PRMT8: variants seen among roughly 807,000 people sequenced by gnomAD.
PRMT8 encodes protein arginine methyltransferase 8, also known as protein arginine N-methyltransferase 8.
PRMT8 carries 7 observed loss-of-function variants against 47.1 expected under a neutral mutation model. The ratio of observed to expected loss-of-function variants is 0.15; its 90% CI spans 0.08 to 0.28. The LOEUF (loss-of-function observed/expected upper bound fraction) is 0.28, where lower values mean the gene tolerates loss of function less well. PRMT8 is among the 10% of genes least tolerant of loss of function. The pLI is 1.00. For synonymous variants in PRMT8, 188 were observed against 186.5 expected (o/e 1.01, Z -0.07); for missense variants, 237 against 505.4 (o/e 0.47, Z 5.09).
chr12:3,424,957 C>T (rs1028229823), intron 1 of PRMT8, among the ~76,000 whole-genome samples: 1 of 152,192 alleles, frequency 6.6e-6, no homozygotes, highest in Non-Finnish European at 1.5e-5. Flanking sequence ...GAGCAGGGCT[C>T]ATCATCTTCC....
chr12:3,489,223 G>T (rs1865349502), upstream of PRMT8, among the ~76,000 whole-genome samples: 2 of 152,102 alleles, frequency 1.3e-5, no homozygotes, highest in South Asian at 4.2e-4. Flanking sequence ...ACAGCGAAAG[G>T]AGGAAACACA....
chr12:3,527,229 C>G (rs1865960886), intron 1 of PRMT8, among the ~76,000 whole-genome samples: 1 of 152,046 alleles, frequency 6.6e-6, no homozygotes. Context: ...GAGATATAAT[C>G]CAAGACCTCT....
In PRMT8 at chr12:3,540,344, C is replaced by T. The variant is rs564826760; in HGVS notation, c.76-262C>T. Among the ~76,000 whole-genome samples the T allele has an allele frequency of 2.0e-5, 3 of 152,262 alleles. No homozygotes were observed. The East Asian group carries it at 5.8e-4, about 29-fold the overall frequency. ...TACAGAAACTGAGGCCTGCATTGCT[C>T]AGGTCACCTAGCTAATAAGAGCTGA... On this transcript the variant is annotated intron_variant, in intron 1 of 9. Transcript: ENST00000382622.
chr12:3,475,852 T>C (rs762396646), intron 1 of PRMT8, among the ~76,000 whole-genome samples: 1 of 152,238 alleles, frequency 6.6e-6, no homozygotes, highest in Non-Finnish European at 1.5e-5. Context: ...GCTCATTCTC[T>C]TCTACATCCT....
At chr12:3,476,046 A>G (rs1474235994) in intron 1 of PRMT8, among the ~76,000 whole-genome samples, 1 of 152,188 alleles carries the variant, frequency 6.6e-6, no homozygotes, top group Non-Finnish European at 1.5e-5. Context: ...TTATAGAGGG[A>G]CAATCTCATT....
chr12:3,520,752 G>A (rs973879312), intron 1 of PRMT8, among the ~76,000 whole-genome samples: 1 of 152,154 alleles, frequency 6.6e-6, no homozygotes, highest in Non-Finnish European at 1.5e-5. Context: ...TATGCTCTTA[G>A]CCAGGCCCTG....
In PRMT8 at chr12:3,550,876, G is replaced by A. The variant is rs780686150; in HGVS notation, c.417+785G>A. The A allele has an allele frequency of 6.6e-6, 1 of 152,250 alleles. No individual in the cohort carries two copies. Among genetic ancestry groups the A allele is most frequent in the Non-Finnish European group, 1.5e-5 (1 of 68,054 alleles). The allele number at this position is 152,250 out of a possible 1,614,324, so 9.4% of individuals were successfully genotyped here. ...CTAAAAAGAAGAGCTGCGAGATGCT[G>A]GCTGATATTTGAAAAATGCAGTGGG... On this transcript the variant is annotated intron_variant, in intron 3 of 9. Transcript: ENST00000382622. This position sits in a 1 kb window ranked among gnomAD's most constrained non-coding sequence, Gnocchi z 5.1.
At chr12:3,540,510 C>A in intron 1 of PRMT8, 96 bp from the exon 2 acceptor site, 1 of 825,436 alleles carries the variant, frequency 1.2e-6, no homozygotes, top group Non-Finnish European at 2.0e-6. Context: ...TGCTTGAGGC[C>A]GGGCTCAGGG....
chr12:3,535,125 C>T lies in PRMT8; in HGVS notation c.76-5481C>T, dbSNP rs1365811061. On this transcript the variant is annotated intron_variant, in intron 1 of 9. Transcript: ENST00000382622. The surrounding 1 kb of genome is among the most constrained non-coding windows in gnomAD (Gnocchi z 4.7). ...CAAACATGCTCCCCCAAATCCCCACCCCTGCTTGTGGAAATCCGACCCACC... is the reference window on the plus strand; with the variant it reads ...CAAACATGCTCCCCCAAATCCCCACTCCTGCTTGTGGAAATCCGACCCACC... 6.6e-6 allele frequency among the ~76,000 whole-genome samples: 1 copy of T among 152,182 alleles called. No individual in the cohort carries two copies. Among genetic ancestry groups the T allele is most frequent in the Non-Finnish European group, 1.5e-5 (1 of 68,032 alleles).
At position 3,397,643 on chromosome 12, in the gene PRMT8, A is replaced by T. The variant is rs1424027374; in HGVS notation, c.48+16201A>T. Reference sequence around the variant, plus strand: ...GTCAGACAGGGACATTTAAGTCTGCAGAGGTTACTGCTGTCTTTTTGTTTG... The same window carrying T: ...GTCAGACAGGGACATTTAAGTCTGCTGAGGTTACTGCTGTCTTTTTGTTTG... On this transcript the variant is annotated intron_variant, in intron 1 of 9. Coordinates refer to the PRMT8 transcript ENST00000452611. Among the ~76,000 whole-genome samples the T allele has an allele frequency of 3.3e-5, 5 of 152,130 alleles. No homozygotes were observed. The South Asian group carries it at 8.4e-4, about 26-fold the overall frequency.
Position 3,538,734 on chromosome 12 carries a change from T to C in PRMT8, c.76-1872T>C, listed in dbSNP as rs890842175. The C allele has an allele frequency of 1.9e-6, 1 of 518,962 alleles. No individual in the cohort carries two copies. Among genetic ancestry groups the C allele is most frequent in the Non-Finnish European group, 3.8e-6 (1 of 259,850 alleles). 32.1% of individuals were successfully genotyped at this position (518,962 alleles called of 1,614,324 possible). On this transcript the variant is annotated intron_variant, in intron 1 of 9. Transcript: ENST00000382622. The surrounding 1 kb of genome is among the most constrained non-coding windows in gnomAD (Gnocchi z 4.6). The stretch of plus-strand genomic sequence containing the variant: ...TGATTCTGCAGCCTGCACAGGAGTG[T>C]GCACTTGACACAGTCTATTTTTAGC...
At chr12:3,399,127 A>G (rs1336787211) in intron 1 of PRMT8, among the ~76,000 whole-genome samples, 3 of 152,134 alleles carry the variant, frequency 2.0e-5, no homozygotes, top group African/African-American at 4.8e-5. Flanking sequence ...TCTCCCCACC[A>G]TACTTCTGTT....
At chr12:3,465,276 T>TA (rs5796053) in intron 1 of PRMT8, among the ~76,000 whole-genome samples, 128,100 of 143,586 alleles carry the variant, frequency 0.89, 57,318 homozygotes, top group East Asian at 0.99. Flanking sequence ...TTTATAAAAA[T>TA]AAAAAATATA....
chr12:3,584,979 T>A (rs1362836325), intron 8 of PRMT8, among the ~76,000 whole-genome samples: 1 of 152,208 alleles, frequency 6.6e-6, no homozygotes, highest in African/African-American at 2.4e-5. Context: ...CTCACAGAGA[T>A]ACCTAGCTTC....
At chr12:3,410,475 C>T (rs1365738316) in intron 1 of PRMT8, among the ~76,000 whole-genome samples, 1 of 152,054 alleles carries the variant, frequency 6.6e-6, no homozygotes, top group Non-Finnish European at 1.5e-5. Flanking sequence ...ATTTTACTTG[C>T]TTTTCTTTGT....
At chr12:3,551,358 T>A (rs1185142202) in intron 3 of PRMT8, 1 of 152,366 alleles carries the variant, frequency 6.6e-6, no homozygotes, top group African/African-American at 2.4e-5. Flanking sequence ...GGGCAGGTCA[T>A]GTCATCATCA....
At chr12:3,559,992 C>T (rs370004482) in intron 4 of PRMT8, among the ~76,000 whole-genome samples, 4 of 152,338 alleles carry the variant, frequency 2.6e-5, no homozygotes, top group South Asian at 2.1e-4. Context: ...TAGCTGCCCT[C>T]GTGCCCATTC....
At chr12:3,428,276 A>G (rs1864628866) in intron 1 of PRMT8, among the ~76,000 whole-genome samples, 1 of 151,058 alleles carries the variant, frequency 6.6e-6, no homozygotes, top group Admixed American at 6.6e-5. Flanking sequence ...CAATAGCCCT[A>G]TACTTGAAGA....
rs1866876946 is a variant in PRMT8 at position 3,572,994 on chromosome 12, G to T, written c.712+3430G>T. On this transcript the variant is annotated intron_variant, in intron 6 of 9. Transcript: ENST00000382622. This position sits in a 1 kb window ranked among gnomAD's most constrained non-coding sequence, Gnocchi z 5.9. ...TTTCTTTTTATTTATCCTGCTTGGG[G>T]TTACATGGAATTCTTGGAACTGTGG... 6.6e-6 allele frequency among the ~76,000 whole-genome samples: 1 copy of T among 152,114 alleles called. No homozygotes were observed. Among genetic ancestry groups the T allele is most frequent in the South Asian group, 2.1e-4 (1 of 4,816 alleles).
Sources: allele counts gnomAD v4.1 joint callset (sites outside exome capture counted in the v4.1 genomes callset), GRCh38; gene constraint gnomAD v4.1.1; non-coding constraint Gnocchi (gnomAD v3.1); transcripts MANE v1.5; gene names NCBI Gene and HGNC (gene_info 2026-07-23, HGNC 2026-07-21).